The following RNF180 variants were observed in gnomAD, a reference collection of about 807,000 sequenced individuals.
The protein encoded by RNF180 is E3 ubiquitin-protein ligase RNF180.
Under a neutral mutation model 59.2 loss-of-function variants are expected in RNF180, and 38 were observed. The ratio of observed to expected loss-of-function variants is 0.64; its 90% CI spans 0.50 to 0.84. The LOEUF (loss-of-function observed/expected upper bound fraction) is 0.84. RNF180 is among the 40% of genes least tolerant of loss of function. The probability of loss-of-function intolerance (pLI) is 0.00; values close to 1 mark genes in which losing one functional copy is unlikely to be tolerated. For missense variants in RNF180, 705 were observed against 700.9 expected (o/e 1.01, Z -0.07); for synonymous variants, 262 against 240.3 (o/e 1.09, Z -0.84).
intron 1 of RNF180, among the ~76,000 whole-genome samples, chr5:64,176,937 C>A (rs1024684820): frequency 4.6e-5 from 7 of 152,232 alleles, no homozygotes; most frequent in Non-Finnish European, 1.5e-5. Flanking sequence ...AGAGAATAGA[C>A]GTGTGGGCCA....
intron 5 of RNF180, among the ~76,000 whole-genome samples, chr5:64,278,156 C>T (rs1365859840): frequency 2.0e-5 from 3 of 152,044 alleles, no homozygotes; most frequent in Non-Finnish European, 4.4e-5. Context: ...TGCTGAGTGT[C>T]GAAATGGCAT....
At chr5:64,255,339 G>A (rs191923929) in intron 5 of RNF180, among the ~76,000 whole-genome samples, 2 of 152,100 alleles carry the variant, frequency 1.3e-5, no homozygotes, top group Admixed American at 1.3e-4. Context: ...ATCTCCAAAT[G>A]CTATCCCCCT....
chr5:64,313,828 C>G (rs1743905179), intron 5 of RNF180, among the ~76,000 whole-genome samples: 1 of 152,056 alleles, frequency 6.6e-6, no homozygotes, highest in Admixed American at 6.6e-5. Flanking sequence ...GATTTTTTAA[C>G]TTTTTAATAA....
chr5:64,243,514 G>A (rs1264707802), intron 5 of RNF180, among the ~76,000 whole-genome samples: 2 of 152,216 alleles, frequency 1.3e-5, no homozygotes, highest in South Asian at 2.1e-4. Context: ...CAAAGCTGCT[G>A]TAGCCAGACT....
intron 1 of RNF180, among the ~76,000 whole-genome samples, chr5:64,177,956 A>G (rs1263311489): frequency 6.6e-6 from 1 of 152,138 alleles, no homozygotes; most frequent in East Asian, 1.9e-4. Context: ...CTGTAATCCC[A>G]GCACTTTGGA....
At chr5:64,210,496 A>G (rs1052878401) in intron 2 of RNF180, among the ~76,000 whole-genome samples, 3 of 152,160 alleles carry the variant, frequency 2.0e-5, no homozygotes, top group Non-Finnish European at 2.9e-5. Flanking sequence ...ACATCTGTTT[A>G]TATTTGTATT....
At chr5:64,179,037 T>A (rs1172747708) in intron 1 of RNF180, among the ~76,000 whole-genome samples, 1 of 152,148 alleles carries the variant, frequency 6.6e-6, no homozygotes, top group Non-Finnish European at 1.5e-5. Flanking sequence ...TTGTTGCTGC[T>A]CCTTCCCCAC....
chr5:64,298,172 G>A (rs552725242), intron 5 of RNF180, among the ~76,000 whole-genome samples: 12 of 152,042 alleles, frequency 7.9e-5, no homozygotes, highest in Admixed American at 2.0e-4. Context: ...CAGCTCCATC[G>A]ATGTCCCTGC....
chr5:64,244,804 G>A lies in RNF180; in HGVS notation c.1227+27408G>A, dbSNP rs556962228. Among the ~76,000 whole-genome samples, 15 of 152,264 alleles carry A rather than the reference G, an allele frequency of 9.9e-5. 2 individuals are homozygous for A. The highest frequency in any genetic ancestry group is 3.6e-4 in the African/African-American group (15 of 41,544). ...CATAATCCTCAGATTCACCAAGGTT[G>A]AAATGAAGGAAAAAACGTTAAGGGC... On this transcript the variant is annotated intron_variant, in intron 5 of 7. Transcript: ENST00000389100.
chr5:64,318,152 A>G (rs573808394), intron 5 of RNF180, among the ~76,000 whole-genome samples: 151 of 152,316 alleles, frequency 9.9e-4, no homozygotes, highest in African/African-American at 3.4e-3. Context: ...TTCTATATAT[A>G]CAACCTGTGA....
At chr5:64,169,733 C>T (rs1030280220) in intron 1 of RNF180, among the ~76,000 whole-genome samples, 3 of 152,190 alleles carry the variant, frequency 2.0e-5, no homozygotes, top group East Asian at 1.9e-4. Context: ...AAAGACTCCT[C>T]GCTCTTTGAC....
chr5:64,220,043 T>C (rs1303842235), intron 5 of RNF180, among the ~76,000 whole-genome samples: 1 of 152,158 alleles, frequency 6.6e-6, no homozygotes, highest in Non-Finnish European at 1.5e-5. Context: ...TATTCCTTAT[T>C]TGTTATTTTA....
At chr5:64,226,234 A>C (rs1032241653) in intron 5 of RNF180, among the ~76,000 whole-genome samples, 2 of 152,132 alleles carry the variant, frequency 1.3e-5, no homozygotes, top group Admixed American at 1.3e-4. Context: ...AAAGGGGGAA[A>C]TGTGGGGAAA....
intron 7 of RNF180, among the ~76,000 whole-genome samples, chr5:64,348,770 A>G (rs1176079443): frequency 2.6e-5 from 4 of 152,134 alleles, no homozygotes; most frequent in Admixed American, 2.0e-4. Context: ...TAAGTCTAAA[A>G]TTATAAAACA....
intron 5 of RNF180, among the ~76,000 whole-genome samples, chr5:64,240,180 T>C (rs1217859733): frequency 6.6e-6 from 1 of 152,216 alleles, no homozygotes; most frequent in Admixed American, 6.5e-5. Flanking sequence ...TTTCATTGTT[T>C]GCTTTTCTCA....
chr5:64,257,969 T>C (rs1744084320), intron 5 of RNF180, among the ~76,000 whole-genome samples: 2 of 152,116 alleles, frequency 1.3e-5, no homozygotes, highest in South Asian at 4.1e-4. Flanking sequence ...GAGAAGGAGA[T>C]AAAGGAAGTG....
At chr5:64,288,273 A>G (rs1411070599) in intron 5 of RNF180, among the ~76,000 whole-genome samples, 1 of 152,156 alleles carries the variant, frequency 6.6e-6, no homozygotes, top group Non-Finnish European at 1.5e-5. Context: ...GTGCTTTTGT[A>G]CCAGTACCAT....
intron 4 of RNF180, among the ~76,000 whole-genome samples, chr5:64,215,759 T>A (rs915661637): frequency 6.6e-6 from 1 of 152,140 alleles, no homozygotes; most frequent in Non-Finnish European, 1.5e-5. Flanking sequence ...ATTTTCAAAA[T>A]GATTAATGTA....
chr5:64,349,799 G>A (rs574438849), intron 7 of RNF180, among the ~76,000 whole-genome samples: 1 of 152,166 alleles, frequency 6.6e-6, no homozygotes, highest in East Asian at 1.9e-4. Flanking sequence ...AGTATTCCAT[G>A]GTGTATATGT....
Sources: gnomAD v4.1 joint callset for allele counts (sites outside exome capture counted in the v4.1 genomes callset) on GRCh38, gnomAD v4.1.1 for gene constraint, MANE v1.5 for transcripts, NCBI Gene and HGNC (gene_info 2026-07-23, HGNC 2026-07-21) for gene names.